The following CSMD1 variants were observed in gnomAD, a reference collection of about 807,000 sequenced individuals.
CSMD1 encodes CUB and sushi domain-containing protein 1.
In CSMD1, 213 loss-of-function variants were observed where a neutral mutation model predicts 417.5. The observed-to-expected ratio is 0.51, with a 90% CI of 0.46 to 0.57. The LOEUF (loss-of-function observed/expected upper bound fraction) is 0.57, where lower values mean the gene tolerates loss of function less well. CSMD1 is among the 20% of genes least tolerant of loss of function. The probability of loss-of-function intolerance (pLI) is 0.00; values close to 1 mark genes in which losing one functional copy is unlikely to be tolerated. For synonymous variants in CSMD1, 2,862 were observed against 1,736.8 expected, an observed-to-expected ratio of 1.65 and a Z score of -16.11; for missense variants, 6,923 against 4,529.7, an observed-to-expected ratio of 1.53 and a Z score of -15.17.
At chr8:3,051,559 A>G (rs1454110215) in intron 50 of CSMD1, among the ~76,000 whole-genome samples, 1 of 152,220 alleles carries the variant, frequency 6.6e-6, no homozygotes, top group Non-Finnish European at 1.5e-5. Flanking sequence ...TAGTTCACCT[A>G]TATAACAAAC....
intron 10 of CSMD1, among the ~76,000 whole-genome samples, chr8:3,551,133 C>A (rs1047745146): frequency 1.3e-5 from 2 of 152,112 alleles, no homozygotes; most frequent in Non-Finnish European, 2.9e-5. Flanking sequence ...ATTCAGTTTT[C>A]TTATCTTTAA....
chr8:4,373,056 T>G (rs1802494623), intron 3 of CSMD1, among the ~76,000 whole-genome samples: 2 of 152,158 alleles, frequency 1.3e-5, no homozygotes, highest in Non-Finnish European at 2.9e-5. Flanking sequence ...CCTGATTTGA[T>G]GTGATGAGAA....
chr8:3,419,238 C>G (rs948079920), intron 12 of CSMD1, among the ~76,000 whole-genome samples: 2 of 152,196 alleles, frequency 1.3e-5, no homozygotes, highest in South Asian at 2.1e-4. Context: ...AGGATACTAT[C>G]AGGCTTACAA....
intron 37 of CSMD1, among the ~76,000 whole-genome samples, chr8:3,169,763 C>G (rs1011935908): frequency 5.3e-5 from 8 of 152,166 alleles, no homozygotes; most frequent in Non-Finnish European, 8.8e-5. Context: ...AGCACGGTTT[C>G]TTTTCAAATA....
chr8:4,064,098 T>C (rs190392503), intron 3 of CSMD1, among the ~76,000 whole-genome samples: 7 of 152,240 alleles, frequency 4.6e-5, no homozygotes, highest in South Asian at 2.1e-4. Context: ...GCGAATCTAC[T>C]CTCCTGCAGC....
chr8:3,325,120 G>T (rs1034531742), intron 23 of CSMD1, among the ~76,000 whole-genome samples: 1 of 152,122 alleles, frequency 6.6e-6, no homozygotes. Flanking sequence ...CATTAAAAAT[G>T]ACCTACATAA....
intron 1 of CSMD1, among the ~76,000 whole-genome samples, chr8:4,654,929 A>G (rs1212777329): frequency 2.0e-5 from 3 of 152,038 alleles, no homozygotes; most frequent in African/African-American, 7.3e-5. Flanking sequence ...ACAAACCTGC[A>G]CAGGTATCCC....
At chr8:4,510,835 T>C (rs1366740310) in intron 2 of CSMD1, among the ~76,000 whole-genome samples, 1 of 104,488 alleles carries the variant, frequency 9.6e-6, no homozygotes. Flanking sequence ...CCTCTCTTCC[T>C]CCCTCCCTCC....
intron 3 of CSMD1, among the ~76,000 whole-genome samples, chr8:4,368,007 CT>C (rs1478276392): frequency 6.6e-6 from 1 of 151,874 alleles, no homozygotes; most frequent in African/African-American, 2.4e-5. Context: ...AGTGAGACAC[CT>C]TTTCTTGGCT....
intron 2 of CSMD1, among the ~76,000 whole-genome samples, chr8:4,552,404 G>C (rs1277485327): frequency 6.6e-6 from 1 of 151,882 alleles, no homozygotes; most frequent in Non-Finnish European, 1.5e-5. Context: ...CTGTCTCAAA[G>C]ACTTGCATCC....
intron 2 of CSMD1, among the ~76,000 whole-genome samples, chr8:4,517,162 G>C (rs1000862958): frequency 2.0e-5 from 3 of 152,120 alleles, no homozygotes; most frequent in African/African-American, 7.2e-5. Context: ...CCTACTGTAT[G>C]AACTAATTCA....
intron 12 of CSMD1, among the ~76,000 whole-genome samples, chr8:3,426,295 A>AT (rs935504252): frequency 6.6e-6 from 1 of 152,172 alleles, no homozygotes; most frequent in Non-Finnish European, 1.5e-5. Flanking sequence ...TTGATCATCA[A>AT]TTTTTTTAAG....
chr8:3,123,780 T>C (rs1817343960), intron 41 of CSMD1, among the ~76,000 whole-genome samples: 1 of 152,220 alleles, frequency 6.6e-6, no homozygotes, highest in Non-Finnish European at 1.5e-5. Flanking sequence ...TAATGGTTCA[T>C]AGGTACTCCT....
intron 3 of CSMD1, among the ~76,000 whole-genome samples, chr8:4,380,873 C>G (rs1001810001): frequency 6.6e-6 from 1 of 151,996 alleles, no homozygotes; most frequent in Admixed American, 6.6e-5. Context: ...TATTACTATA[C>G]TTTTTATATT....
intron 3 of CSMD1, among the ~76,000 whole-genome samples, chr8:4,214,972 C>T (rs1563286521): frequency 6.6e-6 from 1 of 152,136 alleles, no homozygotes; most frequent in Non-Finnish European, 1.5e-5. Context: ...GAGATACAGG[C>T]ACAGCTTACT....
intron 3 of CSMD1, among the ~76,000 whole-genome samples, chr8:4,361,005 T>G (rs1028756293): frequency 3.3e-5 from 5 of 152,148 alleles, no homozygotes; most frequent in Admixed American, 6.6e-5. Context: ...GAAGACATTT[T>G]AAAATAAAAT....
intron 9 of CSMD1, among the ~76,000 whole-genome samples, chr8:3,585,760 T>G (rs1800571995): frequency 6.6e-6 from 1 of 152,156 alleles, no homozygotes; most frequent in African/African-American, 2.4e-5. Context: ...TCAACCTCAC[T>G]GCAATAGGAA....
At chr8:4,612,526 G>T (rs1321339676) in intron 2 of CSMD1, among the ~76,000 whole-genome samples, 2 of 152,154 alleles carry the variant, frequency 1.3e-5, no homozygotes, top group Non-Finnish European at 1.5e-5. Context: ...AATATTTGGT[G>T]CATTTTAAGC....
chr8:4,022,118 G>A (rs989114981), intron 4 of CSMD1, among the ~76,000 whole-genome samples: 1 of 92,924 alleles, frequency 1.1e-5, no homozygotes, highest in Admixed American at 1.1e-4. Flanking sequence ...AATGGATATA[G>A]AATATATATA....
Sources: allele counts gnomAD v4.1 joint callset (sites outside exome capture counted in the v4.1 genomes callset), GRCh38; gene constraint gnomAD v4.1.1; transcripts MANE v1.5; gene names NCBI Gene and HGNC (gene_info 2026-07-23, HGNC 2026-07-21).